ELOVL5: variants seen among roughly 807,000 people sequenced by gnomAD.
ELOVL5 encodes the protein ELOVL fatty acid elongase 5, also known as very long chain fatty acid elongase 5.
ELOVL5 carries 8 observed loss-of-function variants against 38.6 expected under a neutral mutation model. The ratio of observed to expected loss-of-function variants is 0.21; its 90% confidence interval spans 0.12 to 0.37. The LOEUF (loss-of-function observed/expected upper bound fraction) is 0.37, where lower values mean the gene tolerates loss of function less well. Among genes scored for constraint, ELOVL5 ranks in the 10% least tolerant of loss-of-function variants. ELOVL5 has a pLI of 1.00. For synonymous variants in ELOVL5, 127 were observed against 133.7 expected (o/e 0.95, Z 0.34); for missense variants, 280 against 367.8 (o/e 0.76, Z 1.95).
chr6:53,285,455 C>A (rs548079126), intron 3 of ELOVL5, among the ~76,000 whole-genome samples: 1 of 152,292 alleles, frequency 6.6e-6, no homozygotes, highest in East Asian at 1.9e-4. Context: ...GGGAAGAAGT[C>A]ATCTCCATAA....
At chr6:53,326,063 C>T (rs1033693947) in intron 1 of ELOVL5, among the ~76,000 whole-genome samples, 2 of 152,082 alleles carry the variant, frequency 1.3e-5, no homozygotes, top group Admixed American at 6.5e-5. Flanking sequence ...ATAATTCAAG[C>T]GAAGGCACAG....
chr6:53,318,551 C>T (rs535921860), intron 1 of ELOVL5, among the ~76,000 whole-genome samples: 16 of 151,896 alleles, frequency 1.1e-4, no homozygotes, highest in East Asian at 3.9e-4. Flanking sequence ...CTGGGCAAAA[C>T]GGTGAGACCC....
chr6:53,303,374 T>C (rs1767340415), intron 1 of ELOVL5, among the ~76,000 whole-genome samples: 2 of 152,234 alleles, frequency 1.3e-5, no homozygotes, highest in Admixed American at 1.3e-4. Flanking sequence ...GCACCAACAG[T>C]GGTACATCTG....
At position 53,267,674 on chromosome 6, in the gene ELOVL5, T is replaced by C. The variant is rs1161273956; in HGVS notation, c.*1453A>G. The stretch of plus-strand genomic sequence containing the variant: ...TAATAGAGAACCAATAGGCTCCCTA[T>C]AGTACGAATGTGCAAAATTAAAGCA... On this transcript the variant is annotated 3_prime_UTR_variant, in exon 8 of 8. Transcript: ENST00000304434. 2.6e-5 allele frequency: 4 copies of C among 152,660 alleles called. No homozygotes were observed. Among genetic ancestry groups the C allele is most frequent in the African/African-American group, 4.8e-5 (2 of 41,464 alleles). The allele number at this position is 152,660 out of a possible 1,614,324, so 9.5% of individuals were successfully genotyped here.
chr6:53,305,576 G>A (rs547188942), intron 1 of ELOVL5, among the ~76,000 whole-genome samples: 96 of 151,618 alleles, frequency 6.3e-4, no homozygotes, highest in African/African-American at 2.3e-3. Flanking sequence ...TCGCGGCTGG[G>A]CCGAGGCGCT....
chr6:53,313,550 A>C (rs1399487714), intron 1 of ELOVL5, among the ~76,000 whole-genome samples: 1 of 151,920 alleles, frequency 6.6e-6, no homozygotes, highest in African/African-American at 2.4e-5. Context: ...AATGTAGAGA[A>C]GGAGTCTCGC....
intron 1 of ELOVL5, among the ~76,000 whole-genome samples, chr6:53,331,163 C>T (rs1368451622): frequency 1.3e-5 from 2 of 151,916 alleles, no homozygotes; most frequent in Non-Finnish European, 2.9e-5. Context: ...GACCCCATCT[C>T]AACAAAAAAT....
intron 1 of ELOVL5, among the ~76,000 whole-genome samples, chr6:53,305,831 A>C (rs1475544246): frequency 1.3e-5 from 2 of 151,902 alleles, no homozygotes; most frequent in Non-Finnish European, 2.9e-5. Context: ...CAATCTCCGC[A>C]CTTTGTGGGG....
intron 1 of ELOVL5, among the ~76,000 whole-genome samples, chr6:53,343,281 C>T (rs954074637): frequency 1.3e-5 from 2 of 151,442 alleles, no homozygotes; most frequent in Non-Finnish European, 1.5e-5. Context: ...GGTGTAATCA[C>T]GGCTCACTGT....
In ELOVL5 at chr6:53,269,035, T is replaced by G; in HGVS notation, c.*92A>C. ...TGAATCACACTATTGTAGGCCAGAC[T>G]AGTTACAGCAGCTGTTAACGAGCAT... On this transcript the variant is annotated 3_prime_UTR_variant, in exon 8 of 8. Coordinates refer to ENST00000304434, the MANE Select transcript of ELOVL5 (RefSeq NM_021814.5). 6.9e-7 allele frequency: 1 copy of G among 1,448,144 alleles called. No individual in the cohort carries two copies. Among genetic ancestry groups the G allele is most frequent in the Non-Finnish European group, 9.4e-7 (1 of 1,059,992 alleles). 89.7% of individuals were successfully genotyped at this position (1,448,144 alleles called of 1,614,324 possible). A position where few individuals can be genotyped will look rare whatever the true frequency, so the allele number is the denominator to read the frequency against.
chr6:53,316,087 G>T (rs1400043884), intron 1 of ELOVL5, among the ~76,000 whole-genome samples: 1 of 152,192 alleles, frequency 6.6e-6, no homozygotes, highest in Non-Finnish European at 1.5e-5. Flanking sequence ...TAATAAAATT[G>T]TATGAAGTGC....
chr6:53,309,300 T>C (rs555870603), intron 1 of ELOVL5, among the ~76,000 whole-genome samples: 3 of 152,192 alleles, frequency 2.0e-5, no homozygotes, highest in African/African-American at 7.2e-5. Flanking sequence ...GCTGACAGGC[T>C]GCTGCTGCTG....
rs76771116 is a variant in ELOVL5 at position 53,307,788 on chromosome 6, G to C, written c.-8-12081C>G. Among the ~76,000 whole-genome samples, 597 of 152,306 alleles carry C rather than the reference G, an allele frequency of 3.9e-3. 5 individuals are homozygous for C. The highest frequency in any genetic ancestry group is 0.014 in the African/African-American group (577 of 41,566). ...CAGTGTCTATCCCAACCTTAGTACA[G>C]AGCAGAAATAAATCTGCATCTGATA... On this transcript the variant is annotated intron_variant, in intron 1 of 7. Coordinates refer to ENST00000304434, the MANE Select transcript of ELOVL5 (RefSeq NM_021814.5).
intron 5 of ELOVL5, among the ~76,000 whole-genome samples, chr6:53,274,566 A>C (rs546122041): frequency 6.6e-6 from 1 of 152,348 alleles, no homozygotes; most frequent in African/African-American, 2.4e-5. Flanking sequence ...CAAGCTTTCC[A>C]AAAACCAAGT....
At chr6:53,344,023 A>G (rs1769437194) in intron 1 of ELOVL5, among the ~76,000 whole-genome samples, 1 of 152,228 alleles carries the variant, frequency 6.6e-6, no homozygotes, top group Non-Finnish European at 1.5e-5. Flanking sequence ...ACCTGCAGTG[A>G]TTTTAAGATG....
intron 1 of ELOVL5, among the ~76,000 whole-genome samples, chr6:53,305,493 T>C (rs1278424177): frequency 7.6e-6 from 1 of 131,796 alleles, no homozygotes; most frequent in Admixed American, 7.4e-5. Context: ...ACGGGGCAGT[T>C]GCCAGGCGGA....
In ELOVL5 at chr6:53,279,045, G is replaced by C. The variant is rs532130455; in HGVS notation, c.247-2789C>G. Among the ~76,000 whole-genome samples, 39 of 152,344 alleles carry C rather than the reference G, an allele frequency of 2.6e-4. No individual in the cohort carries two copies. The South Asian group carries it at 5.2e-3, about 20-fold the overall frequency. ...CCGCTACACAGTAGCCAAGGGGAAAGAGCATGGGTTTGGGCATTAGCCCAT... is the reference window on the plus strand; with the variant it reads ...CCGCTACACAGTAGCCAAGGGGAAACAGCATGGGTTTGGGCATTAGCCCAT... On this transcript the variant is annotated intron_variant, in intron 3 of 7. Coordinates refer to ENST00000304434, the MANE Select transcript of ELOVL5 (RefSeq NM_021814.5).
intron 3 of ELOVL5, among the ~76,000 whole-genome samples, chr6:53,291,062 T>A (rs1275768642): frequency 6.6e-6 from 1 of 152,152 alleles, no homozygotes; most frequent in Non-Finnish European, 1.5e-5. Flanking sequence ...AGAGGGAAGC[T>A]TTCCTCCCCC....
intron 1 of ELOVL5, among the ~76,000 whole-genome samples, chr6:53,305,079 G>A (rs1417398430): frequency 3.1e-4 from 46 of 148,614 alleles, no homozygotes; most frequent in Non-Finnish European, 5.4e-4. Context: ...CTCCCTCCCG[G>A]ACGGGGCGGC....
Sources: gnomAD v4.1 joint callset for allele counts (sites outside exome capture counted in the v4.1 genomes callset) on GRCh38, gnomAD v4.1.1 for gene constraint, MANE v1.5 for transcripts, NCBI Gene and HGNC (gene_info 2026-07-23, HGNC 2026-07-21) for gene names.